SP3: variants seen among roughly 807,000 people sequenced by gnomAD.
SP3 encodes the protein Sp3 transcription factor, also known as transcription factor Sp3.
Under a neutral mutation model 70.3 loss-of-function variants are expected in SP3, and 10 were observed. That is an observed-to-expected ratio of 0.14 (90% CI 0.09 to 0.24). The LOEUF is 0.24. Ranked by LOEUF, SP3 falls within the 10% of genes least tolerant of loss-of-function variation. SP3 has a pLI of 1.00. For synonymous variants in SP3, 402 were observed against 333.5 expected, an observed-to-expected ratio of 1.21 and a Z score of -2.24; for missense variants, 825 against 914.6, an observed-to-expected ratio of 0.90 and a Z score of 1.26.
At chr2:173,951,029 T>C (rs926501803) in intron 4 of SP3, among the ~76,000 whole-genome samples, 1 of 152,206 alleles carries the variant, frequency 6.6e-6, no homozygotes, top group Admixed American at 6.5e-5. Context: ...TAAACTAAAA[T>C]TCCATTTTGT....
chr2:173,921,811 G>A (rs1434011958), intron 4 of SP3, among the ~76,000 whole-genome samples: 6 of 152,140 alleles, frequency 3.9e-5, no homozygotes, highest in Admixed American at 1.3e-4. Flanking sequence ...TCATGGGGGC[G>A]GATTTCTCAT....
intron 1 of SP3, chr2:173,964,806 C>T (rs1691236287): frequency 4.3e-6 from 2 of 470,280 alleles, no homozygotes; most frequent in Non-Finnish European, 7.4e-6. Context: ...CTGCCCCTGC[C>T]CCCTCTCCTC....
intron 4 of SP3, among the ~76,000 whole-genome samples, chr2:173,920,779 C>G (rs867319202): frequency 1.3e-4 from 20 of 151,868 alleles, no homozygotes; most frequent in Admixed American, 2.6e-4. Flanking sequence ...TTAGTAGAGA[C>G]AGGGTTTCAC....
chr2:173,905,428 A>G lies in SP3; in HGVS notation c.*4513T>C, dbSNP rs1689285724. On this transcript the variant is annotated 3_prime_UTR_variant, in exon 7 of 7. Coordinates refer to ENST00000310015, the MANE Select transcript of SP3 (RefSeq NM_003111.5). The stretch of plus-strand genomic sequence containing the variant: ...AGGTTTTAAGGTAAGAAAACTACCA[A>G]TATCACACATCTAGTAAGTAGCTTA... 6.6e-6 allele frequency among the ~76,000 whole-genome samples: 1 copy of G among 152,186 alleles called. No individual in the cohort carries two copies. Among genetic ancestry groups the G allele is most frequent in the African/African-American group, 2.4e-5 (1 of 41,442 alleles).
At chr2:173,965,072 G>A in intron 1 of SP3, 93 bp downstream of exon 1, 10 of 1,497,902 alleles carry the variant, frequency 6.7e-6, no homozygotes, top group Non-Finnish European at 9.0e-6. Context: ...CACACACGGG[G>A]CCGAGACCGG....
At chr2:173,911,668 C>T (rs945755492) in intron 6 of SP3, among the ~76,000 whole-genome samples, 4 of 152,102 alleles carry the variant, frequency 2.6e-5, no homozygotes, top group Admixed American at 1.3e-4. Context: ...TTTTTACAAC[C>T]TGCTGATAAA....
chr2:173,959,362 A>G (rs2105503676), intron 3 of SP3, among the ~76,000 whole-genome samples: 1 of 151,938 alleles, frequency 6.6e-6, no homozygotes, highest in South Asian at 2.1e-4. Context: ...AAAAAAAAAA[A>G]GTTTGAAAAA....
chr2:173,936,104 T>A (rs1690204352), intron 4 of SP3, among the ~76,000 whole-genome samples: 1 of 152,208 alleles, frequency 6.6e-6, no homozygotes, highest in African/African-American at 2.4e-5. Context: ...GTCAGCTCAC[T>A]GCAACCTATG....
In SP3 at chr2:173,906,752, T is replaced by G. The variant is rs974331465; in HGVS notation, c.*3189A>C. 6.6e-6 allele frequency: 1 copy of G among 152,202 alleles called. No individual in the cohort carries two copies. Among genetic ancestry groups the G allele is most frequent in the Non-Finnish European group, 1.5e-5 (1 of 68,010 alleles). 9.4% of individuals were successfully genotyped at this position (152,202 alleles called of 1,614,324 possible). On this transcript the variant is annotated 3_prime_UTR_variant, in exon 7 of 7. Coordinates refer to ENST00000310015, the MANE Select transcript of SP3 (RefSeq NM_003111.5). ...GCCTAAGGGGATGCTTGCTCTATTT[T>G]AAGTGATTGTAACGCAGGAGTGTTT...
At chr2:173,912,700 CA>C (rs1689519907) in intron 6 of SP3, among the ~76,000 whole-genome samples, 1 of 151,576 alleles carries the variant, frequency 6.6e-6, no homozygotes, top group Non-Finnish European at 1.5e-5. Context: ...TCAGAAGAAA[CA>C]GGAGTATTTT....
Position 173,904,693 on chromosome 2 carries a change from A to G in SP3, c.*5248T>C, listed in dbSNP as rs1431888369. Among the ~76,000 whole-genome samples the G allele has an allele frequency of 1.3e-5, 2 of 152,146 alleles. No individual in the cohort carries two copies. Among genetic ancestry groups the G allele is most frequent in the Admixed American group, 6.5e-5 (1 of 15,282 alleles). On this transcript the variant is annotated 3_prime_UTR_variant, in exon 7 of 7. Transcript: ENST00000310015. ...TTGGCTCAACTTTGACCAGATGTCC[A>G]CTCCTTGTCTGATTTCTGAACAGCT... is the stretch of plus-strand genomic sequence containing the variant.
chr2:173,936,543 G>A (rs1001569517), intron 4 of SP3, among the ~76,000 whole-genome samples: 1 of 152,086 alleles, frequency 6.6e-6, no homozygotes, highest in African/African-American at 2.4e-5. Flanking sequence ...TCACCAAACT[G>A]CCCAGATTTC....
chr2:173,953,651 C>G (rs574772673), intron 4 of SP3, among the ~76,000 whole-genome samples: 1 of 152,118 alleles, frequency 6.6e-6, no homozygotes, highest in Non-Finnish European at 1.5e-5. Flanking sequence ...GGAGCTAATC[C>G]CAGTTACTCG....
chr2:173,960,710 C>T (rs1302337719), intron 3 of SP3, among the ~76,000 whole-genome samples: 2 of 152,170 alleles, frequency 1.3e-5, no homozygotes, highest in African/African-American at 2.4e-5. Flanking sequence ...GTGGCTTACG[C>T]CTGTAATCCC....
rs1026472620 is a variant in SP3, at chr2:173,909,339, A to T, written c.*602T>A. The T allele has an allele frequency of 6.6e-6, 1 of 152,510 alleles. No individual in the cohort carries two copies. The highest frequency in any genetic ancestry group is 2.4e-5 in the African/African-American group (1 of 41,456). 9.4% of individuals were successfully genotyped at this position (152,510 alleles called of 1,614,324 possible). ...CAGGATTTAAAAGGTGACTATCCCT[A>T]GAGTTCCATGTTAAAATGTAGTTTT... On this transcript the variant is annotated 3_prime_UTR_variant, in exon 7 of 7. Transcript: ENST00000310015.
chr2:173,953,119 T>C (rs1690765813), intron 4 of SP3, among the ~76,000 whole-genome samples: 1 of 152,264 alleles, frequency 6.6e-6, no homozygotes, highest in Non-Finnish European at 1.5e-5. Flanking sequence ...AAATATCTTT[T>C]CTTACTGGTT....
rs200170703 is a variant in SP3, at chr2:173,956,068, A to G, written c.444T>C (p.Asn148=). Residue 148 remains asparagine, a synonymous_variant, in exon 4 of 7, where the codon AAT becomes AAC. Coordinates refer to ENST00000310015, the MANE Select transcript of SP3 (RefSeq NM_003111.5). ...QYVLPLQNLQ[N]QQIFSVAPGS... ...CTGGTGCAACGGAAAATATTTGTTGATTCTGCAAATTCTGAAGGGGAAGAA... is the reference window on the plus strand; with the variant it reads ...CTGGTGCAACGGAAAATATTTGTTGGTTCTGCAAATTCTGAAGGGGAAGAA... 1.4e-5 allele frequency: 22 copies of G among 1,614,044 alleles called. No individual in the cohort carries two copies. Among genetic ancestry groups the G allele is most frequent in the Non-Finnish European group, 1.9e-5 (22 of 1,180,026 alleles).
chr2:173,964,273 G>A (rs1181718275), intron 2 of SP3, 132 bp downstream of exon 2: 15 of 515,986 alleles, frequency 2.9e-5, no homozygotes, highest in Non-Finnish European at 1.7e-5. Flanking sequence ...GCAGCTCCCG[G>A]GGCGGGGGGA....
At chr2:173,953,988 G>A (rs182498902) in intron 4 of SP3, among the ~76,000 whole-genome samples, 5 of 152,276 alleles carry the variant, frequency 3.3e-5, no homozygotes, top group African/African-American at 9.6e-5. Context: ...ATGGTGATGG[G>A]AGTTATGTCA....
Sources: gnomAD v4.1 joint callset for allele counts (sites outside exome capture counted in the v4.1 genomes callset) on GRCh38, gnomAD v4.1.1 for gene constraint, MANE v1.5 for transcripts, NCBI Gene and HGNC (gene_info 2026-07-23, HGNC 2026-07-21) for gene names.